The following DOK6 variants were observed in gnomAD, a reference collection of about 807,000 sequenced individuals.
The protein encoded by DOK6 is downstream of tyrosine kinase 6.
DOK6 carries 22 observed loss-of-function variants against 44.0 expected under a neutral mutation model. The observed-to-expected ratio is 0.50, with a 90% confidence interval of 0.36 to 0.71. DOK6 has a LOEUF of 0.71. DOK6 is among the 30% of genes least tolerant of loss of function. DOK6 has a pLI of 0.00. For missense variants in DOK6, 340 were observed against 416.4 expected (o/e 0.82, Z 1.60); for synonymous variants, 166 against 145.5 (o/e 1.14, Z -1.01).
intron 1 of DOK6, among the ~76,000 whole-genome samples, chr18:69,415,817 G>C (rs555013215): frequency 6.6e-6 from 1 of 151,968 alleles, no homozygotes; most frequent in African/African-American, 2.4e-5. Context: ...TCAACCTTAC[G>C]ATTCATATAT....
chr18:69,777,985 T>G (rs1253598801), intron 7 of DOK6: 1 of 151,956 alleles, frequency 6.6e-6, no homozygotes, highest in Admixed American at 6.6e-5. Context: ...CAGACTAAAG[T>G]GCTCATCAAA....
At chr18:69,507,917 G>A (rs552453087) in intron 1 of DOK6, among the ~76,000 whole-genome samples, 2 of 152,112 alleles carry the variant, frequency 1.3e-5, no homozygotes, top group East Asian at 3.9e-4. Context: ...AAGAGGAGAG[G>A]GAAGAGAAGA....
At chr18:69,701,784 A>C (rs141498739) in intron 5 of DOK6, among the ~76,000 whole-genome samples, 1 of 152,318 alleles carries the variant, frequency 6.6e-6, no homozygotes, top group Non-Finnish European at 1.5e-5. Flanking sequence ...TAATACTTAA[A>C]TATTGCAATA....
At chr18:69,840,968 A>G (rs1297035655) in intron 7 of DOK6, among the ~76,000 whole-genome samples, 1 of 152,210 alleles carries the variant, frequency 6.6e-6, no homozygotes, top group Non-Finnish European at 1.5e-5. Flanking sequence ...TCCCTAGAAA[A>G]TCTACCTAGC....
intron 3 of DOK6, among the ~76,000 whole-genome samples, chr18:69,664,022 C>T (rs2144674379): frequency 6.6e-6 from 1 of 152,204 alleles, no homozygotes; most frequent in South Asian, 2.1e-4. Context: ...GCAACAAATA[C>T]ATTTTAAAAT....
At position 69,723,279 on chromosome 18, in the gene DOK6, A is replaced by G. The variant is rs149870987; in HGVS notation, c.600-15686A>G. Among the ~76,000 whole-genome samples, 42 of 152,344 alleles carry G rather than the reference A, an allele frequency of 2.8e-4. No homozygotes were observed. The East Asian group carries it at 7.9e-3, about 29-fold the overall frequency. On this transcript the variant is annotated intron_variant, in intron 5 of 7. Transcript: ENST00000382713. ...TGGAGCTATATAATCAACACCTTCC[A>G]CTGCACAAGAAACAGGTTGAGAAAT...
At chr18:69,712,111 C>T (rs1240871514) in intron 5 of DOK6, among the ~76,000 whole-genome samples, 2 of 149,568 alleles carry the variant, frequency 1.3e-5, no homozygotes, top group African/African-American at 4.9e-5. Context: ...GAAACCCCGT[C>T]TCTACTAAAA....
chr18:69,786,342 A>C (rs945662364), intron 7 of DOK6, among the ~76,000 whole-genome samples: 17 of 152,226 alleles, frequency 1.1e-4, no homozygotes, highest in African/African-American at 4.1e-4. Flanking sequence ...TTCATATGTT[A>C]GACTGCTTCC....
intron 5 of DOK6, among the ~76,000 whole-genome samples, chr18:69,701,535 T>A (rs544916412): frequency 6.6e-6 from 1 of 152,208 alleles, no homozygotes; most frequent in South Asian, 2.1e-4. Flanking sequence ...TGTTACCTCA[T>A]AAATATTGTA....
chr18:69,435,727 T>A (rs7239855), intron 1 of DOK6, among the ~76,000 whole-genome samples: 43,893 of 152,006 alleles, frequency 0.29, 6,915 homozygotes, highest in East Asian at 0.43. Flanking sequence ...GCCTAAAGTA[T>A]TTCCAACTTA....
rs558793068 is a variant in DOK6, at chr18:69,760,393, GTTTGA to G, written c.856+2524_856+2528del. Among the ~76,000 whole-genome samples the G allele has an allele frequency of 1.4e-4, 21 of 152,192 alleles. 1 individual carries two copies. The South Asian group carries it at 4.2e-3, about 30-fold the overall frequency. On this transcript the variant is annotated intron_variant, in intron 7 of 7. Transcript: ENST00000382713. ...TCCCTGTAATCCCAGCACTTTGAGA[GTTTGA>G]TTTTTTTTTCCCCCAGAGCAGAAGC...
In DOK6 at chr18:69,841,531, G is replaced by T. The variant is rs1232138008; in HGVS notation, c.*148G>T. 3 of 1,072,422 alleles carry T rather than the reference G, an allele frequency of 2.8e-6. No individual in the cohort carries two copies. Among genetic ancestry groups the T allele is most frequent in the South Asian group, 2.2e-5 (1 of 45,470 alleles). The allele number at this position is 1,072,422 out of a possible 1,614,324, so 66.4% of individuals were successfully genotyped here. On this transcript the variant is annotated 3_prime_UTR_variant, in exon 8 of 8. Transcript: ENST00000382713. ...AGTCCCATTGGAAGGTTAAAAACTG[G>T]AGTTCTGCTTCCTTGATTCAGTGGC... is the stretch of plus-strand genomic sequence containing the variant.
At chr18:69,738,088 G>A (rs907487447) in intron 5 of DOK6, among the ~76,000 whole-genome samples, 1 of 152,144 alleles carries the variant, frequency 6.6e-6, no homozygotes, top group Non-Finnish European at 1.5e-5. Flanking sequence ...GCTCTATAGG[G>A]CCCTAAGGGA....
At chr18:69,651,101 G>A (rs937486587) in intron 3 of DOK6, among the ~76,000 whole-genome samples, 1 of 152,036 alleles carries the variant, frequency 6.6e-6, no homozygotes, top group Non-Finnish European at 1.5e-5. Context: ...CTTCCCAGAG[G>A]AAATAGAAGT....
chr18:69,444,968 A>G (rs1021529104), intron 1 of DOK6, among the ~76,000 whole-genome samples: 3 of 152,156 alleles, frequency 2.0e-5, no homozygotes, highest in Non-Finnish European at 2.9e-5. Context: ...GTCGATGAAC[A>G]TATAATGCCT....
intron 1 of DOK6, among the ~76,000 whole-genome samples, chr18:69,433,566 G>A (rs1978865324): frequency 6.6e-6 from 1 of 152,058 alleles, no homozygotes; most frequent in African/African-American, 2.4e-5. Flanking sequence ...ACTTGAAAAT[G>A]TAATACATTG....
At chr18:69,621,237 T>C (rs908601170) in intron 3 of DOK6, among the ~76,000 whole-genome samples, 4 of 152,160 alleles carry the variant, frequency 2.6e-5, no homozygotes, top group African/African-American at 9.7e-5. Flanking sequence ...TGGGAGAAAG[T>C]GACTATTTCC....
At chr18:69,418,778 C>T (rs551214580) in intron 1 of DOK6, among the ~76,000 whole-genome samples, 31 of 151,894 alleles carry the variant, frequency 2.0e-4, no homozygotes, top group Non-Finnish European at 3.4e-4. Context: ...AGCCTGAGAG[C>T]TTCAAAATAA....
intron 5 of DOK6, 47 bp from the exon 6 acceptor site, chr18:69,738,918 C>G (rs1978705683): frequency 6.2e-7 from 1 of 1,604,698 alleles, no homozygotes; most frequent in Non-Finnish European, 8.5e-7. Flanking sequence ...CTGTTATGCA[C>G]TTGAACACAT....
Sources: gnomAD v4.1 joint callset for allele counts (sites outside exome capture counted in the v4.1 genomes callset) on GRCh38, gnomAD v4.1.1 for gene constraint, MANE v1.5 for transcripts, NCBI Gene and HGNC (gene_info 2026-07-23, HGNC 2026-07-21) for gene names.